Variants in KLHL38 observed in about 807,000 individuals in gnomAD.
KLHL38 encodes the protein kelch like family member 38.
Under a neutral mutation model 39.6 loss-of-function variants are expected in KLHL38, and 38 were observed. That is an observed-to-expected ratio of 0.96 (90% confidence interval 0.74 to 1.26). The LOEUF (loss-of-function observed/expected upper bound fraction) is 1.26, where lower values mean the gene tolerates loss of function less well. Among genes scored for constraint, KLHL38 ranks in the 50% most tolerant of loss-of-function variants. The pLI is 0.00. For synonymous variants in KLHL38, 322 were observed against 302.2 expected (o/e 1.07, Z -0.68); for missense variants, 803 against 748.1 (o/e 1.07, Z -0.86).
At chr8:123,653,376 C>T (rs1812693897) in intron 1 of KLHL38, among the ~76,000 whole-genome samples, 1 of 152,072 alleles carries the variant, frequency 6.6e-6, no homozygotes, top group Non-Finnish European at 1.5e-5. Context: ...AATCATTCCC[C>T]AAGGATGATA....
Position 123,651,587 on chromosome 8 carries a change from C to G in KLHL38, c.1340G>C (p.Arg447Pro). The change falls in exon 2 of 4, where the codon CGC becomes CCC. Residue 447 changes from arginine (R) to proline (P), a missense_variant. By Grantham distance (103) the Arg-to-Pro change is moderately radical (BLOSUM62 -2). Transcript: ENST00000684634. ...GAACCGGCCATTTACCTGGATAAGG[C>G]GCACAGGGTTCTGCATGATGTCCTC... ...GGEDIMQNPV[R>P]LIQVYHISRN... The G allele has an allele frequency of 6.3e-7, 1 of 1,575,184 alleles. No homozygotes were observed. Among genetic ancestry groups the G allele is most frequent in the Middle Eastern group, 1.7e-4 (1 of 5,880 alleles).
chr8:123,652,139 C>A lies in KLHL38; in HGVS notation c.788G>T (p.Cys263Phe). Residue 263 changes from cysteine to phenylalanine, a missense_variant, in exon 2 of 4, where the codon TGT (cysteine) becomes TTT (phenylalanine). By Grantham distance (205) the Cys-to-Phe change is radical. Coordinates refer to ENST00000684634, the MANE Select transcript of KLHL38 (RefSeq NM_001081675.3). ...TTTGCAGTCTGGGACGGTGGTGCCACACAAAGAGAACATCTGTCTCTTGGC... is the reference window on the plus strand; with the variant it reads ...TTTGCAGTCTGGGACGGTGGTGCCAAACAAAGAGAACATCTGTCTCTTGGC... ...ETAKRQMFSL[C>F]GTTVPDCKLL... 6.2e-7 allele frequency: 1 copy of A among 1,614,148 alleles called. No homozygotes were observed. Among genetic ancestry groups the A allele is most frequent in the Non-Finnish European group, 8.5e-7 (1 of 1,180,026 alleles).
At position 123,652,168 on chromosome 8, in the gene KLHL38, C is replaced by A. The variant is rs1409785748; in HGVS notation, c.759G>T (p.Glu253Asp). Residue 253 changes from glutamate to aspartate, a missense_variant, in exon 2 of 4, where the codon GAG (glutamate) becomes GAT (aspartate). Coordinates refer to ENST00000684634, the MANE Select transcript of KLHL38 (RefSeq NM_001081675.3). ...AAGAGAACATCTGTCTCTTGGCGGT[C>A]TCCAAGATGATCTGGCATGCAGGCG... ...QSSPACQIILETAKRQMFSLC... is the reference protein window; with the variant it reads ...QSSPACQIILDTAKRQMFSLC... 1.2e-6 allele frequency: 2 copies of A among 1,614,058 alleles called. No individual in the cohort carries two copies. Among genetic ancestry groups the A allele is most frequent in the Non-Finnish European group, 1.7e-6 (2 of 1,180,034 alleles).
Position 123,651,954 on chromosome 8 carries a change from C to T in KLHL38, c.973G>A (p.Ala325Thr), listed in dbSNP as rs368159677. 6.8e-6 allele frequency: 11 copies of T among 1,614,124 alleles called. No homozygotes were observed. Among genetic ancestry groups the T allele is most frequent in the Non-Finnish European group, 8.5e-6 (10 of 1,180,052 alleles). Residue 325 changes from alanine to threonine, a missense_variant, in exon 2 of 4, where the codon GCC becomes ACC. Coordinates refer to ENST00000684634, the MANE Select transcript of KLHL38 (RefSeq NM_001081675.3). ...CTGCGGTGCAAGGTGATGGCAGAGG[C>T]CTTGTACAGCCGTGTCGGGAGTTTG... ...LAKLPTRLYK[A>T]SAITLHRSIY...
chr8:123,652,388 A>C lies in KLHL38; in HGVS notation c.539T>G (p.Leu180Trp). ...CCCATCATCTCCGAGATAGTCCCTCAACTCCAAGGCACAGAGCTCCTTCAG... is the reference window on the plus strand; with the variant it reads ...CCCATCATCTCCGAGATAGTCCCTCCACTCCAAGGCACAGAGCTCCTTCAG... ...ADLKELCALE[L>W]RDYLGDDGLC... Residue 180 changes from leucine to tryptophan, a missense_variant, in exon 2 of 4, where the codon TTG becomes TGG. By Grantham distance (61) the Leu-to-Trp change is moderately conservative. Transcript: ENST00000684634. The C allele has an allele frequency of 6.2e-7, 1 of 1,613,998 alleles. No homozygotes were observed.
Position 123,652,715 on chromosome 8 carries a change from C to T in KLHL38, c.212G>A (p.Ser71Asn). Reference protein sequence around the residue: ...AMFCSSFREKSEAKVQLKGID... With the variant: ...AMFCSSFREKNEAKVQLKGID... ...GCCTTTCAGCTGCACTTTGGCTTCA[C>T]TCTTCTCCCGGAAGCTGCTGCAGAA... is the stretch of plus-strand genomic sequence containing the variant. The change falls in exon 2 of 4, where the codon AGT becomes AAT. Residue 71 changes from serine (S) to asparagine (N), a missense_variant. Physicochemically the swap from Ser to Asn is conservative, Grantham distance 46. Transcript: ENST00000684634. 1 of 1,614,192 alleles carries T rather than the reference C, an allele frequency of 6.2e-7. No individual in the cohort carries two copies. Among genetic ancestry groups the T allele is most frequent in the Non-Finnish European group, 8.5e-7 (1 of 1,180,018 alleles).
At position 123,645,758 on chromosome 8, in the gene KLHL38, C is replaced by T. The variant is rs753172161; in HGVS notation, c.1727G>A (p.Arg576His). The T allele has an allele frequency of 1.4e-5, 23 of 1,613,398 alleles. No individual in the cohort carries two copies. Among genetic ancestry groups the T allele is most frequent in the Middle Eastern group, 1.6e-4 (1 of 6,082 alleles). Residue 576 changes from arginine to histidine, a missense_variant, in exon 4 of 4, where the codon CGC becomes CAC. By Grantham distance (29) the Arg-to-His change is conservative (BLOSUM62 0). Coordinates refer to ENST00000684634, the MANE Select transcript of KLHL38 (RefSeq NM_001081675.3). ...TCGACCTCATGGGAGGCCAGACGTG[C>T]GGGGTATGCACTGGAGAGTGAGGCA... ...HACLTLQCIP[R>H]TSGLP
At position 123,647,612 on chromosome 8, in the gene KLHL38, T is replaced by C. The variant is rs994940200; in HGVS notation, c.1351-598A>G. Among the ~76,000 whole-genome samples the C allele has an allele frequency of 6.0e-4, 91 of 152,344 alleles. 1 individual carries two copies. Among genetic ancestry groups the C allele is most frequent in the Non-Finnish European group, 1.8e-4 (12 of 68,030 alleles). On this transcript the variant is annotated intron_variant, in intron 2 of 3. Coordinates refer to ENST00000684634, the MANE Select transcript of KLHL38 (RefSeq NM_001081675.3). ...TCAACACCCCCGAAACATGTTCTCC[T>C]GTGAGTGTCCTCAGTTTTAAATCTG...
Position 123,652,635 on chromosome 8 carries a change from G to GCA in KLHL38, c.291_292insTG (p.His98CysfsTer11), listed in dbSNP as rs1563594208. 2.5e-6 allele frequency: 4 copies of GCA among 1,614,120 alleles called. No homozygotes were observed. Among genetic ancestry groups the GCA allele is most frequent in the Non-Finnish European group, 2.5e-6 (3 of 1,179,972 alleles). On this transcript the variant is annotated frameshift_variant, in exon 2 of 4. Coordinates refer to ENST00000684634, the MANE Select transcript of KLHL38 (RefSeq NM_001081675.3). LOFTEE classifies it high-confidence loss of function. ...GGGAGGACATTGTCAGTGGCAATATGTGCCTCCCCCGTATACACGTAGGAG... is the reference window on the plus strand; with the variant it reads ...GGGAGGACATTGTCAGTGGCAATATGCATGCCTCCCCCGTATACACGTAGGAG...
chr8:123,649,338 T>C lies in KLHL38; in HGVS notation c.1350+2239A>G, dbSNP rs180831883. On this transcript the variant is annotated intron_variant, in intron 2 of 3. Transcript: ENST00000684634. Reference sequence around the variant, plus strand: ...GGAGTGGGATTTGGAACAGCGATTCTAGAAAGACTCGGAATCTGCCTGGAT... The same window carrying C: ...GGAGTGGGATTTGGAACAGCGATTCCAGAAAGACTCGGAATCTGCCTGGAT... Among the ~76,000 whole-genome samples the C allele has an allele frequency of 9.5e-4, 144 of 152,234 alleles. 1 individual carries two copies. In the South Asian group the frequency reaches 0.011, roughly 12 times the overall value.
chr8:123,649,244 C>T (rs1240996823), intron 2 of KLHL38, among the ~76,000 whole-genome samples: 1 of 152,032 alleles, frequency 6.6e-6, no homozygotes, highest in Non-Finnish European at 1.5e-5. Flanking sequence ...GACATGGAAG[C>T]ACTTTGTTAT....
chr8:123,651,338 A>T (rs759598541), intron 2 of KLHL38, among the ~76,000 whole-genome samples: 1 of 152,128 alleles, frequency 6.6e-6, no homozygotes, highest in Non-Finnish European at 1.5e-5. Context: ...GCATGTTGGC[A>T]TCTGCATATA....
In KLHL38 at chr8:123,652,305, G is replaced by A; in HGVS notation, c.622C>T (p.Leu208Phe). 6.2e-7 allele frequency: 1 copy of A among 1,613,968 alleles called. No individual in the cohort carries two copies. Among genetic ancestry groups the A allele is most frequent in the Non-Finnish European group, 8.5e-7 (1 of 1,180,014 alleles). ...TGCATGTATCGCTTCCGGGCCTGGAGGTCATGCTTGATCCAAACCATGAGG... is the reference window on the plus strand; with the variant it reads ...TGCATGTATCGCTTCCGGGCCTGGAAGTCATGCTTGATCCAAACCATGAGG... Reference protein sequence around the residue: ...EALMVWIKHDLQARKRYMQEL... With the variant: ...EALMVWIKHDFQARKRYMQEL... Residue 208 changes from leucine (L) to phenylalanine (F), a missense_variant, in exon 2 of 4, where the codon CTC (leucine) becomes TTC (phenylalanine). Physicochemically the swap from Leu to Phe is conservative, Grantham distance 22. Transcript: ENST00000684634.
At position 123,645,023 on chromosome 8, in the gene KLHL38, C is replaced by G. The variant is rs7386841; in HGVS notation, c.*716G>C. Among the ~76,000 whole-genome samples the G allele has an allele frequency of 0.89, 134,335 of 151,174 alleles. 59,925 individuals are homozygous for G. Among genetic ancestry groups the G allele is most frequent in the African/African-American group, 0.96 (39,729 of 41,172 alleles). Reference sequence around the variant, plus strand: ...AACCTAGGGATGAGAGAGAGGAAGACAGAGGGGAGACTGAGAGAGAGAGAG... The same window carrying G: ...AACCTAGGGATGAGAGAGAGGAAGAGAGAGGGGAGACTGAGAGAGAGAGAG... On this transcript the variant is annotated 3_prime_UTR_variant, in exon 4 of 4. Coordinates refer to ENST00000684634, the MANE Select transcript of KLHL38 (RefSeq NM_001081675.3).
intron 2 of KLHL38, among the ~76,000 whole-genome samples, chr8:123,651,300 G>T (rs931131491): frequency 2.6e-5 from 4 of 152,186 alleles, no homozygotes; most frequent in Non-Finnish European, 4.4e-5. Flanking sequence ...TGCATGAATT[G>T]TATATGTGTA....
chr8:123,652,117 G>T lies in KLHL38; in HGVS notation c.810C>A (p.Cys270Ter), dbSNP rs1352828872. The stretch of plus-strand genomic sequence containing the variant: ...TTGGAGGGACATGCAACAGGAGTTT[G>T]CAGTCTGGGACGGTGGTGCCACACA... ...FSLCGTTVPD[C>*]KLLLHVPPRN... Residue 270 changes from cysteine to a stop codon, truncating the protein, a stop_gained, in exon 2 of 4, where the codon TGC becomes TGA. Coordinates refer to ENST00000684634, the MANE Select transcript of KLHL38 (RefSeq NM_001081675.3). LOFTEE classifies it high-confidence loss of function. 2 of 1,614,208 alleles carry T rather than the reference G, an allele frequency of 1.2e-6. No individual in the cohort carries two copies. Among genetic ancestry groups the T allele is most frequent in the South Asian group, 2.2e-5 (2 of 91,086 alleles).
At chr8:123,648,286 C>T (rs138951754) in intron 2 of KLHL38, among the ~76,000 whole-genome samples, 487 of 152,184 alleles carry the variant, frequency 3.2e-3, no homozygotes, top group African/African-American at 0.011. Flanking sequence ...CTGACCAAGC[C>T]CAGAATCCAT....
Position 123,652,273 on chromosome 8 carries a change from C to T in KLHL38, c.654G>A (p.Leu218=), listed in dbSNP as rs758117047. The T allele has an allele frequency of 1.9e-6, 3 of 1,614,132 alleles. No homozygotes were observed. The highest frequency in any genetic ancestry group is 2.5e-6 in the Non-Finnish European group (3 of 1,180,038). The change falls in exon 2 of 4, where the codon CTG becomes CTA. Residue 218 remains leucine (L), a synonymous_variant. Coordinates refer to ENST00000684634, the MANE Select transcript of KLHL38 (RefSeq NM_001081675.3). Reference sequence around the variant, plus strand: ...TGTACTGCAGCCTGACCTGCTTGAACAGTTCCTGCATGTATCGCTTCCGGG... The same window carrying T: ...TGTACTGCAGCCTGACCTGCTTGAATAGTTCCTGCATGTATCGCTTCCGGG... ...LQARKRYMQE[L]FKQVRLQYIH...
rs1563591333 is a variant in KLHL38 at position 123,645,748 on chromosome 8, G to GC, written c.1736dup (p.Leu580ProfsTer12). 1.2e-6 allele frequency: 2 copies of GC among 1,613,230 alleles called. No individual in the cohort carries two copies. The highest frequency in any genetic ancestry group is 3.3e-5 in the Admixed American group (2 of 60,006). Reference sequence around the variant, plus strand: ...AGGTTTCTTGTCGACCTCATGGGAGGCCAGACGTGCGGGGTATGCACTGGA... The same window carrying GC: ...AGGTTTCTTGTCGACCTCATGGGAGGCCCAGACGTGCGGGGTATGCACTGGA... On this transcript the variant is annotated frameshift_variant, in exon 4 of 4. Coordinates refer to ENST00000684634, the MANE Select transcript of KLHL38 (RefSeq NM_001081675.3). LOFTEE classifies it high-confidence loss of function.
Sources: gnomAD v4.1 joint callset for allele counts (sites outside exome capture counted in the v4.1 genomes callset) on GRCh38, gnomAD v4.1.1 for gene constraint, MANE v1.5 for transcripts, NCBI Gene and HGNC (gene_info 2026-07-23, HGNC 2026-07-21) for gene names.